CSPG4: variants seen among roughly 807,000 people sequenced by gnomAD.
CSPG4 encodes the protein chondroitin sulfate proteoglycan 4 (melanoma-associated).
In CSPG4, 74 loss-of-function variants were observed where a neutral mutation model predicts 139.3. The ratio of observed to expected loss-of-function variants is 0.53; its 90% CI spans 0.44 to 0.64. The LOEUF (loss-of-function observed/expected upper bound fraction) is 0.64, where lower values mean the gene tolerates loss of function less well. Ranked by LOEUF, CSPG4 falls within the 30% of genes least tolerant of loss-of-function variation. The pLI is 0.00. For missense variants in CSPG4, 2,565 were observed against 3,148.3 expected (o/e 0.81, Z 4.43); for synonymous variants, 1,234 against 1,394.2 (o/e 0.89, Z 2.56).
In CSPG4 at chr15:75,687,851, C is replaced by G. The variant is rs749323572; in HGVS notation, c.3214G>C (p.Asp1072His). The change falls in exon 3 of 10, where the codon GAT becomes CAT. Residue 1072 changes from aspartate to histidine, a missense_variant. Around this residue, in one of 5 missense-constraint regions of CSPG4, gnomAD observed 2,316 missense variants for 2,818.2 expected, o/e 0.82. Coordinates refer to ENST00000308508, the MANE Select transcript of CSPG4 (RefSeq NM_001897.5). This position sits in a 1 kb window ranked among gnomAD's most constrained non-coding sequence, Gnocchi z 5.4. ...CGGTAGATGGGCCGCGTGGGCTCAT[C>G]TACGGCCACGATACTGCCAAAGAGG... ...DLLFGSIVAV[D>H]EPTRPIYRFT... 6.2e-7 allele frequency: 1 copy of G among 1,612,814 alleles called. No individual in the cohort carries two copies. The highest frequency in any genetic ancestry group is 1.3e-5 in the African/African-American group (1 of 74,950).
At chr15:75,681,082 G>A (rs1893967893) in intron 8 of CSPG4, among the ~76,000 whole-genome samples, 1 of 152,226 alleles carries the variant, frequency 6.6e-6, no homozygotes, top group Non-Finnish European at 1.5e-5. Context: ...CCCAGCAACT[G>A]AGGGTACGCA....
At chr15:75,707,379 A>G (rs1894387766) in intron 1 of CSPG4, among the ~76,000 whole-genome samples, 1 of 152,268 alleles carries the variant, frequency 6.6e-6, no homozygotes, top group South Asian at 2.1e-4. Flanking sequence ...TTTCATGTTT[A>G]GACTTGGGTC....
chr15:75,690,632 C>T lies in CSPG4; in HGVS notation c.433G>A (p.Gly145Arg), dbSNP rs1455429351. The change falls in exon 3 of 10, where the codon GGG (glycine) becomes AGG (arginine). Residue 145 changes from glycine (G) to arginine (R), a missense_variant. Gly to Arg is a moderately radical substitution (Grantham distance 125). Transcript: ENST00000308508. ...GTCCCAGTGCCCCCAACAAAGAGCC[C>T]ATAGGGGACCTCTAGGGGGGCTCCT... ...VPGAPLEVPY[G>R]LFVGGTGTLG... The T allele has an allele frequency of 6.2e-7, 1 of 1,611,416 alleles. No individual in the cohort carries two copies. Among genetic ancestry groups the T allele is most frequent in the Non-Finnish European group, 8.5e-7 (1 of 1,179,854 alleles).
chr15:75,684,329 C>A (rs1894022234), intron 5 of CSPG4, among the ~76,000 whole-genome samples: 1 of 152,256 alleles, frequency 6.6e-6, no homozygotes, highest in Non-Finnish European at 1.5e-5. Context: ...CGTGGAACAG[C>A]CTTGTGCAGG....
At chr15:75,683,922 A>C (rs1894016317) in intron 5 of CSPG4, among the ~76,000 whole-genome samples, 2 of 152,136 alleles carry the variant, frequency 1.3e-5, no homozygotes, top group Admixed American at 1.3e-4. Context: ...CTGTGCTGCC[A>C]CACAGCCGTC....
At chr15:75,700,265 T>C (rs1472300263) in intron 1 of CSPG4, among the ~76,000 whole-genome samples, 14 of 151,818 alleles carry the variant, frequency 9.2e-5, no homozygotes, top group Non-Finnish European at 1.0e-4. Context: ...GTGGAGCATC[T>C]GCCAATGGCC....
At position 75,689,699 on chromosome 15, in the gene CSPG4, G is replaced by T; in HGVS notation, c.1366C>A (p.Leu456Met). The T allele has an allele frequency of 6.2e-7, 1 of 1,612,896 alleles. No homozygotes were observed. The highest frequency in any genetic ancestry group is 8.5e-7 in the Non-Finnish European group (1 of 1,179,852). The change falls in exon 3 of 10, where the codon CTG (leucine) becomes ATG (methionine). Residue 456 changes from leucine to methionine, a missense_variant. By Grantham distance (15) the Leu-to-Met change is conservative. Coordinates refer to ENST00000308508, the MANE Select transcript of CSPG4 (RefSeq NM_001897.5). ...WLEWRHVQPT[L>M]DLMEAELRKS... is the part of the protein sequence containing the mutation. ...CGCAGCTCAGCCTCCATCAGGTCCA[G>T]CGTGGGCTGCACATGCCTCCACTCA... is the stretch of plus-strand genomic sequence containing the variant.
chr15:75,678,718 G>A (rs1300366187), intron 8 of CSPG4: 1 of 456,078 alleles, frequency 2.2e-6, no homozygotes, highest in African/African-American at 2.0e-5. Flanking sequence ...GCTTCTCTTT[G>A]CAGCAAAACT....
At chr15:75,699,075 A>C (rs766279466) in intron 1 of CSPG4, among the ~76,000 whole-genome samples, 1 of 152,104 alleles carries the variant, frequency 6.6e-6, no homozygotes, top group Non-Finnish European at 1.5e-5. Context: ...CCGCGGCCCA[A>C]GGACTGCCTG....
In CSPG4 at chr15:75,682,608, T is replaced by C; in HGVS notation, c.4782A>G (p.Pro1594=). The change falls in exon 7 of 10, where the codon CCA becomes CCG. Residue 1594 remains proline (P), a splice_region_variant and synonymous_variant. Transcript: ENST00000308508. ...LKGSQTLTVC[P]GSVQPLSSQT... ...AATGCCCATGATCAGCACACCCACC[T>C]GGGCAGACAGTCAGTGTCTGGCTGC... The C allele has an allele frequency of 1.2e-6, 2 of 1,612,972 alleles. No individual in the cohort carries two copies. The highest frequency in any genetic ancestry group is 3.3e-5 in the Admixed American group (2 of 60,020).
Position 75,690,194 on chromosome 15 carries a change from T to A in CSPG4, c.871A>T (p.Ile291Phe). Residue 291 changes from isoleucine (I) to phenylalanine (F), a missense_variant, in exon 3 of 10, where the codon ATC (isoleucine) becomes TTC (phenylalanine). Transcript: ENST00000308508. ...GAGATTTCCAGCCGGTGAGCATTGA[T>A]GTGGACACTGACCTCATGGGGCTGC... ...DGQPHEVSVH[I>F]NAHRLEISVD... 4 of 1,613,348 alleles carry A rather than the reference T, an allele frequency of 2.5e-6. No homozygotes were observed. Among genetic ancestry groups the A allele is most frequent in the Non-Finnish European group, 2.5e-6 (3 of 1,179,892 alleles).
In CSPG4 at chr15:75,712,695, T is replaced by C. The variant is rs1359631640; in HGVS notation, c.61A>G (p.Thr21Ala). The stretch of plus-strand genomic sequence containing the variant: ...GCGGATGCAAGTCTGGCCAACATAG[T>C]CAGGGTCAAAGCCAAGGCCAGGCCG... ...APGLALALTL[T>A]MLARLASAAS... The change falls in exon 1 of 10, where the codon ACT becomes GCT. Residue 21 changes from threonine to alanine, a missense_variant. By Grantham distance (58) the Thr-to-Ala change is moderately conservative (BLOSUM62 0). This residue lies in a region of CSPG4 where 47 missense variants were observed against 48.7 expected (regional missense o/e 0.97). Transcript: ENST00000308508. 1.1e-5 allele frequency: 18 copies of C among 1,565,646 alleles called. No homozygotes were observed. Among genetic ancestry groups the C allele is most frequent in the South Asian group, 2.3e-5 (2 of 85,118 alleles).
chr15:75,689,089 A>G lies in CSPG4; in HGVS notation c.1976T>C (p.Ile659Thr), dbSNP rs1182752493. 6.2e-7 allele frequency: 1 copy of G among 1,606,670 alleles called. No individual in the cohort carries two copies. Among genetic ancestry groups the G allele is most frequent in the Non-Finnish European group, 8.5e-7 (1 of 1,176,860 alleles). The part of the protein sequence containing the change: ...SPPATLKVVA[I>T]RPAIQIHRST... ...GCGGTGGATCTGTATGGCCGGCCGG[A>G]TGGCCACCACCTTCAGCGTGGCCGG... The change falls in exon 3 of 10, where the codon ATC (isoleucine) becomes ACC (threonine). Residue 659 changes from isoleucine (I) to threonine (T), a missense_variant. Transcript: ENST00000308508.
Position 75,682,469 on chromosome 15 carries a change from G to A in CSPG4, c.4784-10C>T, listed in dbSNP as rs760461727. ...AGTGGCTGGACGGACCCTGCCAGAG[G>A]CAAAAGGGGATATCAGATTTTGACT... On this transcript the variant is annotated splice_polypyrimidine_tract_variant and intron_variant, in intron 7 of 9. Transcript: ENST00000308508. 104 of 1,574,132 alleles carry A rather than the reference G, an allele frequency of 6.6e-5. No homozygotes were observed. Among genetic ancestry groups the A allele is most frequent in the Middle Eastern group, 2.0e-4 (1 of 4,974 alleles).
rs1434790879 is a variant in CSPG4 at position 75,682,741 on chromosome 15, C to A, written c.4649G>T (p.Gly1550Val). 6.2e-7 allele frequency: 1 copy of A among 1,612,664 alleles called. No individual in the cohort carries two copies. The highest frequency in any genetic ancestry group is 8.5e-7 in the Non-Finnish European group (1 of 1,179,964). Residue 1550 changes from glycine to valine, a missense_variant and splice_region_variant, in exon 7 of 10, where the codon GGA (glycine) becomes GTA (valine). Around this residue, in one of 5 missense-constraint regions of CSPG4, gnomAD observed 2,316 missense variants for 2,818.2 expected, o/e 0.82. Transcript: ENST00000308508. Reference protein sequence around the residue: ...DGGLVLFSHRGTLDGGFRFRL... With the variant: ...DGGLVLFSHRVTLDGGFRFRL... ...GAAGCGGAAGCCTCCATCCAGGGTTCCTGGGGACAGGGGCATTGGGTCCAG... is the reference window on the plus strand; with the variant it reads ...GAAGCGGAAGCCTCCATCCAGGGTTACTGGGGACAGGGGCATTGGGTCCAG...
intron 1 of CSPG4, among the ~76,000 whole-genome samples, chr15:75,707,380 G>A (rs2080421668): frequency 6.6e-6 from 1 of 152,226 alleles, no homozygotes; most frequent in Admixed American, 6.5e-5. Flanking sequence ...TTCATGTTTA[G>A]ACTTGGGTCC....
rs1434790879 is a variant in CSPG4, at chr15:75,682,741, C to T, written c.4649G>A (p.Gly1550Glu). The part of the protein sequence containing the change: ...DGGLVLFSHR[G>E]TLDGGFRFRL... ...GAAGCGGAAGCCTCCATCCAGGGTT[C>T]CTGGGGACAGGGGCATTGGGTCCAG... Residue 1550 changes from glycine (G) to glutamate (E), a missense_variant and splice_region_variant, in exon 7 of 10, where the codon GGA becomes GAA. By Grantham distance (98) the Gly-to-Glu change is moderately conservative (BLOSUM62 -2). This residue lies in a region of CSPG4 where 2,316 missense variants were observed against 2,818.2 expected (regional missense o/e 0.82). Coordinates refer to ENST00000308508, the MANE Select transcript of CSPG4 (RefSeq NM_001897.5). The T allele has an allele frequency of 6.2e-7, 1 of 1,612,782 alleles. No individual in the cohort carries two copies. Among genetic ancestry groups the T allele is most frequent in the Non-Finnish European group, 8.5e-7 (1 of 1,179,956 alleles).
intron 1 of CSPG4, among the ~76,000 whole-genome samples, chr15:75,705,788 A>G (rs1383234520): frequency 1.3e-5 from 2 of 152,150 alleles, no homozygotes; most frequent in South Asian, 2.1e-4. Context: ...CAGACTCCCA[A>G]AAAGGGTGAT....
chr15:75,678,764 C>T lies in CSPG4; in HGVS notation c.4951-878G>A, dbSNP rs376845947. ...TAGTCCACGCTCTCCCCCAGGCATT[C>T]TTGGGTCTCTCTACCCAGGATTTTG... is the stretch of plus-strand genomic sequence containing the variant. On this transcript the variant is annotated intron_variant, in intron 8 of 9. Coordinates refer to ENST00000308508, the MANE Select transcript of CSPG4 (RefSeq NM_001897.5). The T allele has an allele frequency of 3.6e-4, 164 of 456,336 alleles. 4 individuals are homozygous for T. Among genetic ancestry groups the T allele is most frequent in the South Asian group, 2.2e-3 (143 of 64,568 alleles). 28.3% of individuals were successfully genotyped at this position (456,336 alleles called of 1,614,324 possible).
Sources: gnomAD v4.1 joint callset for allele counts (sites outside exome capture counted in the v4.1 genomes callset) on GRCh38, gnomAD v4.1.1 for gene constraint, gnomAD v4.1.1 regional missense constraint, Gnocchi (gnomAD v3.1) non-coding constraint, MANE v1.5 for transcripts, NCBI Gene and HGNC (gene_info 2026-07-23, HGNC 2026-07-21) for gene names.